The following TNKS variants were observed in gnomAD, a reference collection of about 807,000 sequenced individuals.
TNKS encodes the protein tankyrase, also known as poly [ADP-ribose] polymerase tankyrase-1.
TNKS carries 72 observed loss-of-function variants against 135.8 expected under a neutral mutation model. The observed-to-expected ratio is 0.53, with a 90% CI of 0.44 to 0.64. The LOEUF is 0.64. Ranked by LOEUF, TNKS falls within the 30% of genes least tolerant of loss-of-function variation. The probability of loss-of-function intolerance (pLI) is 0.00; values close to 1 mark genes in which losing one functional copy is unlikely to be tolerated. For missense variants in TNKS, 1,769 were observed against 1,674.0 expected (o/e 1.06, Z -0.99); for synonymous variants, 849 against 649.3 (o/e 1.31, Z -4.68).
chr8:9,680,586 T>C, intron 4 of TNKS, 139 bp from the exon 5 acceptor site: 1 of 586,858 alleles, frequency 1.7e-6, no homozygotes, highest in Non-Finnish European at 3.1e-6. Context: ...GAATTGAATA[T>C]TGCAAAAGAG....
chr8:9,584,939 A>G (rs1481807960), intron 2 of TNKS, among the ~76,000 whole-genome samples: 1 of 152,170 alleles, frequency 6.6e-6, no homozygotes, highest in East Asian at 1.9e-4. Flanking sequence ...GAATACCCCA[A>G]CATCTAGACA....
chr8:9,556,725 T>A (rs1354438713), intron 1 of TNKS, 113 bp downstream of exon 1: 15 of 1,250,142 alleles, frequency 1.2e-5, no homozygotes, highest in Non-Finnish European at 1.5e-5. Context: ...GTTATGGTTC[T>A]TCATCACCTC....
At chr8:9,614,434 C>T (rs562170723) in intron 2 of TNKS, among the ~76,000 whole-genome samples, 35 of 152,326 alleles carry the variant, frequency 2.3e-4, no homozygotes, top group African/African-American at 8.2e-4. Context: ...ACCTTCCTGG[C>T]AGCTGTGTCC....
intron 3 of TNKS, among the ~76,000 whole-genome samples, chr8:9,629,775 C>G (rs557307762): frequency 5.3e-5 from 8 of 152,308 alleles, no homozygotes; most frequent in Admixed American, 4.6e-4. Flanking sequence ...CTCCGCCTCC[C>G]CGGTTCATGC....
rs1356403524 is a variant in TNKS, at chr8:9,756,856, C to T, written c.3153+4230C>T. The stretch of plus-strand genomic sequence containing the variant: ...TCTTATTCCCAGTTGCCTTCCCTTC[C>T]AAATCTGCCCTTCATAATGCCAACA... On this transcript the variant is annotated intron_variant, in intron 20 of 26. Transcript: ENST00000310430. Among the ~76,000 whole-genome samples, 7 of 152,162 alleles carry T rather than the reference C, an allele frequency of 4.6e-5. 1 individual carries two copies. Among genetic ancestry groups the T allele is most frequent in the Non-Finnish European group, 1.0e-4 (7 of 68,020 alleles).
At chr8:9,669,375 G>C (rs965527236) in intron 3 of TNKS, among the ~76,000 whole-genome samples, 15 of 146,636 alleles carry the variant, frequency 1.0e-4, no homozygotes, top group African/African-American at 3.8e-4. Context: ...CCGAGATTGC[G>C]CCACTGCAGT....
At chr8:9,567,976 A>T (rs1797612356) in intron 1 of TNKS, among the ~76,000 whole-genome samples, 1 of 152,204 alleles carries the variant, frequency 6.6e-6, no homozygotes, top group Admixed American at 6.5e-5. Flanking sequence ...TGGACATTTT[A>T]GCCTCTCTAT....
At position 9,782,055 on chromosome 8, in the gene TNKS, C is replaced by T. The variant is rs1406772382; in HGVS notation, c.*5319C>T. ...TTTAACTGAGCATGCTGGTTTTTCT[C>T]ATTGTTTGGTTTTTCTAAATCTGGC... On this transcript the variant is annotated 3_prime_UTR_variant, in exon 27 of 27. Transcript: ENST00000310430. 19 of 152,242 alleles carry T rather than the reference C, an allele frequency of 1.2e-4. 1 individual carries two copies. Among genetic ancestry groups the T allele is most frequent in the Admixed American group, 1.2e-3 (19 of 15,278 alleles). The allele number at this position is 152,242 out of a possible 1,614,324, so 9.4% of individuals were successfully genotyped here.
intron 1 of TNKS, among the ~76,000 whole-genome samples, chr8:9,576,879 C>T (rs6989126): frequency 0.29 from 43,448 of 151,792 alleles, 6,603 homozygotes; most frequent in East Asian, 0.39. Flanking sequence ...GCATAATATA[C>T]AAATAATAAC....
At chr8:9,670,362 A>T (rs1343801449) in intron 3 of TNKS, among the ~76,000 whole-genome samples, 1 of 152,200 alleles carries the variant, frequency 6.6e-6, no homozygotes, top group East Asian at 1.9e-4. Flanking sequence ...AATTTAGGTC[A>T]TCTTAAAATT....
At chr8:9,680,348 TA>T (rs1802730920) in intron 4 of TNKS, among the ~76,000 whole-genome samples, 1 of 142,872 alleles carries the variant, frequency 7.0e-6, no homozygotes, top group African/African-American at 2.6e-5. Flanking sequence ...AATCCTCATC[TA>T]TTTTTTTTGT....
chr8:9,584,190 C>G (rs934060159), intron 2 of TNKS, among the ~76,000 whole-genome samples: 3 of 142,000 alleles, frequency 2.1e-5, no homozygotes, highest in East Asian at 2.1e-4. Context: ...AAAAAAAAAT[C>G]TGGGAGTCAC....
chr8:9,770,289 C>T, intron 26 of TNKS, 27 bp downstream of exon 26: 1 of 1,591,960 alleles, frequency 6.3e-7, no homozygotes, highest in Non-Finnish European at 8.6e-7. Flanking sequence ...ACAAGCATAA[C>T]CAAGTTCACA....
intron 5 of TNKS, among the ~76,000 whole-genome samples, chr8:9,688,754 C>T (rs1585329840): frequency 6.6e-6 from 1 of 152,304 alleles, no homozygotes; most frequent in East Asian, 1.9e-4. Flanking sequence ...ATTCTCCTGC[C>T]TCAGCCTCCT....
rs769761813 is a variant in TNKS, at chr8:9,580,394, T to C, written c.898+11T>C. ...TCGATGTGTGCATTGGTAAGTATCA[T>C]TTGATGATATCTAAATTTTAAATAA... On this transcript the variant is annotated intron_variant, in intron 2 of 26. Transcript: ENST00000310430. 6.2e-7 allele frequency: 1 copy of C among 1,607,124 alleles called. No homozygotes were observed. The highest frequency in any genetic ancestry group is 8.5e-7 in the Non-Finnish European group (1 of 1,174,710).
intron 2 of TNKS, among the ~76,000 whole-genome samples, chr8:9,601,426 A>G (rs1282187345): frequency 6.6e-6 from 1 of 152,158 alleles, no homozygotes; most frequent in African/African-American, 2.4e-5. Context: ...CATTGTTTGT[A>G]TTGCCTCTTC....
Position 9,761,502 on chromosome 8 carries a change from G to C in TNKS, c.3154-14G>C, listed in dbSNP as rs755555555. Reference sequence around the variant, plus strand: ...TGTTAAAGATATCCTAGCTAATTTTGTTTCATTTTTCAGATTACACTAGAT... The same window carrying C: ...TGTTAAAGATATCCTAGCTAATTTTCTTTCATTTTTCAGATTACACTAGAT... On this transcript the variant is annotated splice_polypyrimidine_tract_variant and intron_variant, in intron 20 of 26. Coordinates refer to ENST00000310430, the MANE Select transcript of TNKS (RefSeq NM_003747.3). The C allele has an allele frequency of 2.5e-6, 4 of 1,611,880 alleles. No homozygotes were observed. The South Asian group carries it at 3.3e-5, about 13-fold the overall frequency.
At chr8:9,750,970 C>A (rs1057153419) in intron 18 of TNKS, among the ~76,000 whole-genome samples, 1 of 152,188 alleles carries the variant, frequency 6.6e-6, no homozygotes, top group South Asian at 2.1e-4. Context: ...TAGACACTGC[C>A]AATCCACTTA....
In TNKS at chr8:9,748,172, T is replaced by C; in HGVS notation, c.2792T>C (p.Met931Thr). Residue 931 changes from methionine (M) to threonine (T), a missense_variant, in exon 18 of 27, where the codon ATG becomes ACG. Around this residue, in one of 5 missense-constraint regions of TNKS, gnomAD observed 722 missense variants for 688.9 expected, o/e 1.05. Coordinates refer to ENST00000310430, the MANE Select transcript of TNKS (RefSeq NM_003747.3). ...LLLAHGADPT[M>T]KNQEGQTPLD... ...CTAGCGCATGGTGCAGACCCCACCA[T>C]GAAGAACCAGGAAGGCCAGACGCCT... 6.3e-7 allele frequency: 1 copy of C among 1,594,774 alleles called. No homozygotes were observed. Among genetic ancestry groups the C allele is most frequent in the Non-Finnish European group, 8.5e-7 (1 of 1,170,810 alleles).
Sources: gnomAD v4.1 joint callset for allele counts (sites outside exome capture counted in the v4.1 genomes callset) on GRCh38, gnomAD v4.1.1 for gene constraint, gnomAD v4.1.1 regional missense constraint, MANE v1.5 for transcripts, NCBI Gene and HGNC (gene_info 2026-07-23, HGNC 2026-07-21) for gene names.